SPOCK3: variants seen among roughly 807,000 people sequenced by gnomAD.
SPOCK3 encodes the protein testican-3.
Under a neutral mutation model 56.6 loss-of-function variants are expected in SPOCK3, and 30 were observed. The observed-to-expected ratio is 0.53, with a 90% CI of 0.40 to 0.72. The LOEUF (loss-of-function observed/expected upper bound fraction) is 0.72, where lower values mean the gene tolerates loss of function less well. Among genes scored for constraint, SPOCK3 ranks in the 30% least tolerant of loss-of-function variants. The pLI is 0.00. For synonymous variants in SPOCK3, 196 were observed against 183.3 expected (o/e 1.07, Z -0.56); for missense variants, 527 against 530.0 (o/e 0.99, Z 0.06).
At chr4:166,893,836 C>G (rs904054290) in intron 5 of SPOCK3, among the ~76,000 whole-genome samples, 7 of 152,048 alleles carry the variant, frequency 4.6e-5, no homozygotes, top group Admixed American at 4.6e-4. Flanking sequence ...CAAAGACATG[C>G]TTTGAACTCT....
intron 6 of SPOCK3, among the ~76,000 whole-genome samples, chr4:166,887,260 CAA>C (rs1734297362): frequency 6.6e-6 from 1 of 152,104 alleles, no homozygotes; most frequent in South Asian, 2.1e-4. Flanking sequence ...TCATTCAAAA[CAA>C]AGTTTAAAAG....
At chr4:167,001,692 G>T (rs901040970) in intron 3 of SPOCK3, among the ~76,000 whole-genome samples, 1 of 152,058 alleles carries the variant, frequency 6.6e-6, no homozygotes, top group Non-Finnish European at 1.5e-5. Flanking sequence ...TGAGTGTCCA[G>T]ATTTGGTACA....
chr4:167,077,360 GA>G (rs1283084423), intron 2 of SPOCK3, among the ~76,000 whole-genome samples: 2 of 150,834 alleles, frequency 1.3e-5, no homozygotes, highest in South Asian at 2.1e-4. Context: ...ACCCATAACA[GA>G]AAAAAAAGCT....
chr4:166,908,579 T>C (rs990700626), intron 5 of SPOCK3, among the ~76,000 whole-genome samples: 4 of 150,880 alleles, frequency 2.7e-5, no homozygotes, highest in African/African-American at 9.7e-5. Context: ...TGAACAATAC[T>C]AATTTCTAAG....
rs545004077 is a variant in SPOCK3, at chr4:166,923,374, G to A, written c.351-10631C>T. ...TCTTATGCTTTATAAGATGATATTCGCAGATTATGGGAACTAAAATATGGT... is the reference window on the plus strand; with the variant it reads ...TCTTATGCTTTATAAGATGATATTCACAGATTATGGGAACTAAAATATGGT... On this transcript the variant is annotated intron_variant, in intron 4 of 10. Coordinates refer to ENST00000357545, the MANE Select transcript of SPOCK3 (RefSeq NM_001040159.2). Among the ~76,000 whole-genome samples, 19 of 152,174 alleles carry A rather than the reference G, an allele frequency of 1.2e-4. No individual in the cohort carries two copies. In the South Asian group the frequency reaches 3.3e-3, roughly 27 times the overall value.
At chr4:167,040,918 T>C (rs575118784) in intron 3 of SPOCK3, among the ~76,000 whole-genome samples, 1 of 152,326 alleles carries the variant, frequency 6.6e-6, no homozygotes, top group African/African-American at 2.4e-5. Context: ...TTATACAAAG[T>C]TACAGTGAGT....
At chr4:167,053,074 T>C (rs1276835955) in intron 3 of SPOCK3, among the ~76,000 whole-genome samples, 1 of 152,150 alleles carries the variant, frequency 6.6e-6, no homozygotes, top group African/African-American at 2.4e-5. Flanking sequence ...AGGCTGTGAA[T>C]GTTATTATAT....
chr4:166,944,095 C>T (rs908123161), intron 4 of SPOCK3, among the ~76,000 whole-genome samples: 8 of 152,160 alleles, frequency 5.3e-5, no homozygotes, highest in South Asian at 4.1e-4. Flanking sequence ...TACAGTGAGA[C>T]GGGTTTGCGC....
At chr4:166,887,489 C>A (rs555410922) in intron 6 of SPOCK3, among the ~76,000 whole-genome samples, 1 of 152,142 alleles carries the variant, frequency 6.6e-6, no homozygotes, top group African/African-American at 2.4e-5. Flanking sequence ...AAAATGTACT[C>A]CATCAGAAGT....
At chr4:167,164,929 A>G (rs1305745969) in intron 2 of SPOCK3, among the ~76,000 whole-genome samples, 1 of 152,084 alleles carries the variant, frequency 6.6e-6, no homozygotes, top group Non-Finnish European at 1.5e-5. Context: ...TAGTAGAATG[A>G]TTTATAATCC....
At chr4:167,164,806 A>G (rs1765618311) in intron 2 of SPOCK3, among the ~76,000 whole-genome samples, 1 of 152,136 alleles carries the variant, frequency 6.6e-6, no homozygotes. Flanking sequence ...TCCATGGTGT[A>G]TATGTGCCAC....
intron 2 of SPOCK3, among the ~76,000 whole-genome samples, chr4:167,204,580 T>C (rs1290654196): frequency 6.6e-6 from 1 of 151,956 alleles, no homozygotes; most frequent in East Asian, 1.9e-4. Context: ...TTCCACAAGG[T>C]CCCTCACCCA....
At chr4:167,172,499 T>C (rs1730593029) in intron 2 of SPOCK3, among the ~76,000 whole-genome samples, 1 of 152,166 alleles carries the variant, frequency 6.6e-6, no homozygotes, top group Non-Finnish European at 1.5e-5. Flanking sequence ...GGATTCCTAA[T>C]AATTATTTCT....
At chr4:166,966,342 C>T (rs543128181) in intron 4 of SPOCK3, among the ~76,000 whole-genome samples, 1 of 151,740 alleles carries the variant, frequency 6.6e-6, no homozygotes, top group South Asian at 2.1e-4. Flanking sequence ...ATAACCATGG[C>T]TTTCTTTCAG....
chr4:166,800,292 G>T (rs182106130), intron 6 of SPOCK3, among the ~76,000 whole-genome samples: 1 of 150,334 alleles, frequency 6.7e-6, no homozygotes, highest in East Asian at 2.0e-4. Flanking sequence ...GCGAATTTAT[G>T]ATTTAAAAAA....
intron 7 of SPOCK3, among the ~76,000 whole-genome samples, chr4:166,770,400 C>A (rs187070363): frequency 2.6e-5 from 4 of 152,172 alleles, no homozygotes; most frequent in Admixed American, 2.6e-4. Context: ...AGGATAATCT[C>A]CTTATTTAAA....
intron 2 of SPOCK3, among the ~76,000 whole-genome samples, chr4:167,112,683 G>A (rs1761001193): frequency 6.6e-6 from 1 of 152,018 alleles, no homozygotes; most frequent in Admixed American, 6.6e-5. Flanking sequence ...TCTATGTCAG[G>A]TGAAACGCAG....
At chr4:166,752,955 C>A (rs1381522748) in intron 8 of SPOCK3, among the ~76,000 whole-genome samples, 2 of 148,430 alleles carry the variant, frequency 1.3e-5, no homozygotes, top group African/African-American at 5.0e-5. Flanking sequence ...GAGAGTAAAT[C>A]TTCATATGGC....
chr4:167,138,762 G>A (rs1382894862), intron 2 of SPOCK3, among the ~76,000 whole-genome samples: 1 of 151,790 alleles, frequency 6.6e-6, no homozygotes, highest in Non-Finnish European at 1.5e-5. Context: ...AAATGTCATT[G>A]TGTTTTCAAA....
Sources: allele counts gnomAD v4.1 joint callset (sites outside exome capture counted in the v4.1 genomes callset), GRCh38; gene constraint gnomAD v4.1.1; transcripts MANE v1.5; gene names NCBI Gene and HGNC (gene_info 2026-07-23, HGNC 2026-07-21).